Variants in XIRP2 observed in about 807,000 individuals in gnomAD.
XIRP2 encodes xin actin-binding repeat-containing protein 2.
In XIRP2, 236 loss-of-function variants were observed where a neutral mutation model predicts 277.0. The ratio of observed to expected loss-of-function variants is 0.85; its 90% CI spans 0.77 to 0.95. The LOEUF (loss-of-function observed/expected upper bound fraction) is 0.95. Ranked by LOEUF, XIRP2 falls within the 40% of genes least tolerant of loss-of-function variation. XIRP2 has a pLI of 0.00. For missense variants in XIRP2, 4,640 were observed against 4,157.5 expected, an observed-to-expected ratio of 1.12 and a Z score of -3.19; for synonymous variants, 1,490 against 1,416.5, an observed-to-expected ratio of 1.05 and a Z score of -1.17.
rs76024226 is a variant in XIRP2, at chr2:167,136,912, G to T, written c.562+850G>T. On this transcript the variant is annotated intron_variant, in intron 3 of 10. Transcript: ENST00000409195. ...AGTTCACAGTTTGGGAAAGCAAATG[G>T]TACTCTGCTTTAAAACTTTGTTATT... Among the ~76,000 whole-genome samples the T allele has an allele frequency of 1.5e-3, 228 of 152,306 alleles. 7 individuals are homozygous for T. In the East Asian group the frequency reaches 0.035, roughly 23 times the overall value.
At chr2:167,214,475 T>C (rs1198271216) in intron 4 of XIRP2, among the ~76,000 whole-genome samples, 2 of 88,162 alleles carry the variant, frequency 2.3e-5, no homozygotes, top group Non-Finnish European at 4.0e-5. Flanking sequence ...AGACTCCATC[T>C]CAAAAAAAAA....
intron 3 of XIRP2, among the ~76,000 whole-genome samples, chr2:167,201,203 AAAGAAAGAAAGAAAGAAAG>A (rs1441805963): frequency 3.5e-5 from 2 of 57,526 alleles, no homozygotes; most frequent in African/African-American, 7.8e-5. Flanking sequence ...AGAAAGAAAG[AAAGAAAGAAAGAAAGAAAG>A]AAAGAAAGAA....
chr2:167,207,227 T>C (rs1693884064), intron 3 of XIRP2, among the ~76,000 whole-genome samples: 1 of 152,212 alleles, frequency 6.6e-6, no homozygotes, highest in Non-Finnish European at 1.5e-5. Context: ...AAATTTCTTG[T>C]ACAGCTAGTT....
At chr2:167,026,167 A>G (rs1688151238) in intron 2 of XIRP2, among the ~76,000 whole-genome samples, 1 of 152,164 alleles carries the variant, frequency 6.6e-6, no homozygotes, top group African/African-American at 2.4e-5. Context: ...TATTTAGGAT[A>G]GTTAGCTCTT....
chr2:167,159,396 C>T (rs189021158), intron 3 of XIRP2, among the ~76,000 whole-genome samples: 100 of 152,278 alleles, frequency 6.6e-4, no homozygotes, highest in African/African-American at 2.3e-3. Flanking sequence ...ATATCAATAA[C>T]ATTTAGATGT....
intron 2 of XIRP2, among the ~76,000 whole-genome samples, chr2:166,947,299 C>A (rs1038629066): frequency 6.6e-6 from 1 of 152,010 alleles, no homozygotes; most frequent in African/African-American, 2.4e-5. Flanking sequence ...TGGGAAGAAG[C>A]CATTTATTTT....
chr2:167,153,804 A>G (rs1018667299), intron 3 of XIRP2, among the ~76,000 whole-genome samples: 1 of 150,004 alleles, frequency 6.7e-6, no homozygotes, highest in African/African-American at 2.5e-5. Flanking sequence ...AATCCAATCT[A>G]TCATTGTTGG....
intron 2 of XIRP2, among the ~76,000 whole-genome samples, chr2:166,969,099 T>C (rs1263198500): frequency 1.3e-5 from 2 of 151,998 alleles, no homozygotes; most frequent in Non-Finnish European, 2.9e-5. Flanking sequence ...TGGGAAAATA[T>C]TGCTTTCCAG....
chr2:166,936,563 A>G (rs933851526), intron 2 of XIRP2, among the ~76,000 whole-genome samples: 1 of 152,250 alleles, frequency 6.6e-6, no homozygotes, highest in East Asian at 1.9e-4. Flanking sequence ...ATTTAAGTCT[A>G]TAATCCATCT....
chr2:167,218,048 G>A (rs1573967273), intron 4 of XIRP2, 118 bp from the exon 5 acceptor site: 1 of 810,684 alleles, frequency 1.2e-6, no homozygotes, highest in Non-Finnish European at 1.7e-6. Flanking sequence ...AATGGTGTAT[G>A]TGAATATCTT....
chr2:167,225,985 G>A (rs930329986), intron 5 of XIRP2, among the ~76,000 whole-genome samples: 2 of 152,094 alleles, frequency 1.3e-5, no homozygotes, highest in African/African-American at 4.8e-5. Context: ...TTTATCATCA[G>A]TAATATTCAT....
chr2:166,937,097 C>T (rs1382949496), intron 2 of XIRP2, among the ~76,000 whole-genome samples: 2 of 151,810 alleles, frequency 1.3e-5, no homozygotes, highest in Non-Finnish European at 2.9e-5. Flanking sequence ...TTTCTCCTGC[C>T]TGATTGCCCT....
At chr2:167,155,423 G>A (rs2105335451) in intron 3 of XIRP2, among the ~76,000 whole-genome samples, 1 of 152,078 alleles carries the variant, frequency 6.6e-6, no homozygotes, top group South Asian at 2.1e-4. Flanking sequence ...TCATCCCTGG[G>A]ATGCAAGGCT....
At chr2:167,068,457 T>C (rs1190386503) in intron 2 of XIRP2, among the ~76,000 whole-genome samples, 1 of 152,232 alleles carries the variant, frequency 6.6e-6, no homozygotes, top group Non-Finnish European at 1.5e-5. Flanking sequence ...ATAAGTTTTG[T>C]TTCATTTTTT....
chr2:167,227,754 T>C (rs1694647238), intron 5 of XIRP2, among the ~76,000 whole-genome samples: 1 of 151,734 alleles, frequency 6.6e-6, no homozygotes, highest in Non-Finnish European at 1.5e-5. Flanking sequence ...ATAAATTAAC[T>C]GAAGGAAAAT....
chr2:167,096,665 T>C (rs2105281630), intron 2 of XIRP2, among the ~76,000 whole-genome samples: 1 of 152,312 alleles, frequency 6.6e-6, no homozygotes, highest in South Asian at 2.1e-4. Flanking sequence ...AGATCTTTCC[T>C]ACTTTCTCCT....
chr2:167,093,203 T>C (rs1267567341), intron 2 of XIRP2, among the ~76,000 whole-genome samples: 3 of 151,824 alleles, frequency 2.0e-5, no homozygotes, highest in African/African-American at 7.3e-5. Context: ...TTGAGGTCTA[T>C]AATATTAAGT....
chr2:167,029,760 G>T (rs1305434066), intron 2 of XIRP2, among the ~76,000 whole-genome samples: 1 of 152,038 alleles, frequency 6.6e-6, no homozygotes, highest in Admixed American at 6.6e-5. Context: ...TCTATTGTTT[G>T]GAATAGTTTC....
intron 2 of XIRP2, among the ~76,000 whole-genome samples, chr2:167,069,651 CCT>C (rs1689390090): frequency 2.0e-5 from 3 of 152,220 alleles, no homozygotes; most frequent in African/African-American, 7.2e-5. Context: ...CGACCCCGAC[CCT>C]CTCCTACCAC....
Sources: gnomAD v4.1 joint callset for allele counts (sites outside exome capture counted in the v4.1 genomes callset) on GRCh38, gnomAD v4.1.1 for gene constraint, MANE v1.5 for transcripts, NCBI Gene and HGNC (gene_info 2026-07-23, HGNC 2026-07-21) for gene names.